Variants in TRPM3 observed in about 807,000 individuals in gnomAD.
The protein encoded by TRPM3 is transient receptor potential cation channel subfamily M member 3.
A neutral mutation model predicts 181.2 loss-of-function variants in TRPM3; 77 were observed. The ratio of observed to expected loss-of-function variants is 0.42; its 90% CI spans 0.35 to 0.51. The LOEUF (loss-of-function observed/expected upper bound fraction) is 0.51, where lower values mean the gene tolerates loss of function less well. Among genes scored for constraint, TRPM3 ranks in the 20% least tolerant of loss-of-function variants. The pLI is 0.01. For missense variants in TRPM3, 1,759 were observed against 2,196.7 expected, an observed-to-expected ratio of 0.80 and a Z score of 3.98; for synonymous variants, 745 against 796.4, an observed-to-expected ratio of 0.94 and a Z score of 1.09.
At chr9:71,334,380 C>A (rs2090417313) in intron 1 of TRPM3, among the ~76,000 whole-genome samples, 1 of 151,712 alleles carries the variant, frequency 6.6e-6, no homozygotes, top group African/African-American at 2.4e-5. Flanking sequence ...ACATGAGTTG[C>A]AAACCGCTAG....
At chr9:71,127,544 A>C (rs1165483642) in intron 1 of TRPM3, among the ~76,000 whole-genome samples, 14 of 152,222 alleles carry the variant, frequency 9.2e-5, no homozygotes. Context: ...GGGGGCAGTG[A>C]TACAACTTCT....
intron 1 of TRPM3, among the ~76,000 whole-genome samples, chr9:71,037,432 G>T (rs964356660): frequency 5.3e-5 from 8 of 152,200 alleles, no homozygotes; most frequent in Non-Finnish European, 1.2e-4. Context: ...ACTCAGTAGG[G>T]TTACAAGTGC....
Position 70,625,322 on chromosome 9 carries a change from G to A in TRPM3, c.1678C>T (p.Pro560Ser), listed in dbSNP as rs778658435. The A allele has an allele frequency of 2.5e-6, 4 of 1,614,108 alleles. No homozygotes were observed. The South Asian group carries it at 4.4e-5, about 18-fold the overall frequency. ...ATCAGGCTGATTCTGTAGTCTGGGG[G>A]CAGGTTCCCCTATCAGGGTAGAATG... ...FGWIYFKGNL[P>S]PDYRISLIDI... The change falls in exon 14 of 26, where the codon CCC (proline) becomes TCC (serine). Residue 560 changes from proline to serine, a missense_variant. Coordinates refer to ENST00000677713, the MANE Select transcript of TRPM3 (RefSeq NM_001366145.2). The surrounding 1 kb of genome is among the most constrained non-coding windows in gnomAD (Gnocchi z 4.8).
intron 1 of TRPM3, among the ~76,000 whole-genome samples, chr9:71,096,534 T>C (rs1316792421): frequency 7.0e-6 from 1 of 143,426 alleles, no homozygotes; most frequent in Non-Finnish European, 1.5e-5. Context: ...CAAATGACTG[T>C]TGGAACCCCC....
intron 1 of TRPM3, among the ~76,000 whole-genome samples, chr9:71,219,487 GT>G (rs1248459294): frequency 6.6e-6 from 1 of 152,150 alleles, no homozygotes; most frequent in Admixed American, 6.6e-5. Context: ...GGAAAAAGTA[GT>G]TGCCATGCAT....
intron 1 of TRPM3, among the ~76,000 whole-genome samples, chr9:70,894,842 C>A (rs1261114152): frequency 6.6e-6 from 1 of 152,118 alleles, no homozygotes; most frequent in Non-Finnish European, 1.5e-5. Context: ...AAGAAGCTTA[C>A]ATTTTAGTGT....
chr9:70,951,485 G>A (rs560690417), intron 1 of TRPM3, among the ~76,000 whole-genome samples: 2 of 152,224 alleles, frequency 1.3e-5, no homozygotes, highest in Admixed American at 6.5e-5. Context: ...GGGACTACAG[G>A]CATGCACAAC....
chr9:70,911,436 G>T (rs1286857102), intron 1 of TRPM3, among the ~76,000 whole-genome samples: 2 of 152,050 alleles, frequency 1.3e-5, no homozygotes, highest in Non-Finnish European at 2.9e-5. Flanking sequence ...CCTCAAATAT[G>T]ATCTAAAACT....
At chr9:70,838,571 T>C (rs1385407650) in intron 5 of TRPM3, among the ~76,000 whole-genome samples, 1 of 152,144 alleles carries the variant, frequency 6.6e-6, no homozygotes, top group Non-Finnish European at 1.5e-5. Context: ...TGTGGTAACA[T>C]TACAATCAGG....
intron 1 of TRPM3, among the ~76,000 whole-genome samples, chr9:71,189,938 T>A (rs536322261): frequency 1.3e-4 from 20 of 152,042 alleles, no homozygotes; most frequent in African/African-American, 4.8e-4. Context: ...CATGTGCTAT[T>A]CATATAAAAA....
At chr9:70,581,130 G>A (rs927324600) in intron 22 of TRPM3, among the ~76,000 whole-genome samples, 1 of 152,188 alleles carries the variant, frequency 6.6e-6, no homozygotes, top group Non-Finnish European at 1.5e-5. Flanking sequence ...AAACATATAT[G>A]TCCAGTGTAA....
intron 1 of TRPM3, among the ~76,000 whole-genome samples, chr9:70,931,230 G>A (rs1358817239): frequency 6.6e-6 from 1 of 152,074 alleles, no homozygotes. Context: ...TAAATCATAA[G>A]TTTTAAGAAT....
At chr9:70,636,252 A>AT (rs913729648) in intron 11 of TRPM3, among the ~76,000 whole-genome samples, 2 of 151,362 alleles carry the variant, frequency 1.3e-5, no homozygotes, top group African/African-American at 4.9e-5. Context: ...AGAATATAGC[A>AT]TTTTTCTTTT....
chr9:70,902,679 A>T (rs891365362), intron 1 of TRPM3, among the ~76,000 whole-genome samples: 1 of 152,214 alleles, frequency 6.6e-6, no homozygotes, highest in Non-Finnish European at 1.5e-5. Context: ...GTTCTTAAGG[A>T]CATATCCAGT....
intron 1 of TRPM3, among the ~76,000 whole-genome samples, chr9:71,385,695 ATATTT>A (rs1169796669): frequency 2.6e-5 from 4 of 152,076 alleles, no homozygotes; most frequent in African/African-American, 4.8e-5. Context: ...GAGTCTTGGA[ATATTT>A]TATTTTATTT....
At chr9:70,756,849 A>G (rs1273097146) in intron 8 of TRPM3, among the ~76,000 whole-genome samples, 1 of 152,214 alleles carries the variant, frequency 6.6e-6, no homozygotes, top group Admixed American at 6.5e-5. Context: ...GTTTAGAGGT[A>G]AATATGTAGC....
intron 1 of TRPM3, among the ~76,000 whole-genome samples, chr9:71,173,617 C>T (rs2076969382): frequency 6.6e-6 from 1 of 152,178 alleles, no homozygotes; most frequent in South Asian, 2.1e-4. Flanking sequence ...TGCATGAATT[C>T]CTCATGGAAA....
At chr9:71,086,970 T>C (rs2065377278) in intron 1 of TRPM3, among the ~76,000 whole-genome samples, 1 of 151,982 alleles carries the variant, frequency 6.6e-6, no homozygotes, top group South Asian at 2.1e-4. Flanking sequence ...GCCTGAGCAT[T>C]TTATTTCCTT....
intron 1 of TRPM3, among the ~76,000 whole-genome samples, chr9:71,074,219 G>A (rs1261942314): frequency 6.6e-5 from 10 of 152,178 alleles, no homozygotes; most frequent in African/African-American, 1.9e-4. Flanking sequence ...ACTATTTTCC[G>A]TGCATAAGGC....
Sources: gnomAD v4.1 joint callset for allele counts (sites outside exome capture counted in the v4.1 genomes callset) on GRCh38, gnomAD v4.1.1 for gene constraint, Gnocchi (gnomAD v3.1) non-coding constraint, MANE v1.5 for transcripts, NCBI Gene and HGNC (gene_info 2026-07-23, HGNC 2026-07-21) for gene names.